The following VTI1A variants were observed in gnomAD, a reference collection of about 807,000 sequenced individuals.
The protein encoded by VTI1A is vesicle transport through interaction with t-SNAREs homolog 1A.
VTI1A carries 22 observed loss-of-function variants against 34.9 expected under a neutral mutation model. That is an observed-to-expected ratio of 0.63 (90% CI 0.45 to 0.90). VTI1A has a LOEUF of 0.90. Among genes scored for constraint, VTI1A ranks in the 40% least tolerant of loss-of-function variants. The probability of loss-of-function intolerance (pLI) is 0.00; values close to 1 mark genes in which losing one functional copy is unlikely to be tolerated. For missense variants in VTI1A, 268 were observed against 275.6 expected (o/e 0.97, Z 0.20); for synonymous variants, 87 against 97.3 (o/e 0.89, Z 0.62).
intron 5 of VTI1A, among the ~76,000 whole-genome samples, chr10:112,606,505 G>A (rs1845091011): frequency 6.6e-6 from 1 of 152,178 alleles, no homozygotes; most frequent in Non-Finnish European, 1.5e-5. Context: ...CCATAAGACA[G>A]TTATGAGCTG....
At chr10:112,723,600 C>T (rs1849894586) in intron 7 of VTI1A, among the ~76,000 whole-genome samples, 1 of 152,148 alleles carries the variant, frequency 6.6e-6, no homozygotes, top group Non-Finnish European at 1.5e-5. Context: ...TTTCAGATGG[C>T]CCACCCTGCT....
At chr10:112,472,044 G>A (rs1054415679) in intron 3 of VTI1A, among the ~76,000 whole-genome samples, 32 of 152,168 alleles carry the variant, frequency 2.1e-4, no homozygotes, top group African/African-American at 6.8e-4. Context: ...CTCTGATATT[G>A]TGCTATGATG....
chr10:112,626,956 G>GC (rs1845944477), intron 5 of VTI1A, among the ~76,000 whole-genome samples: 1 of 152,144 alleles, frequency 6.6e-6, no homozygotes, highest in Non-Finnish European at 1.5e-5. Flanking sequence ...AAAATTAATT[G>GC]CAAACACAGC....
chr10:112,468,810 T>G (rs1847987185), intron 3 of VTI1A, among the ~76,000 whole-genome samples: 1 of 152,202 alleles, frequency 6.6e-6, no homozygotes, highest in African/African-American at 2.4e-5. Flanking sequence ...TCCCAGAGTC[T>G]TTTAAACACA....
intron 1 of VTI1A, among the ~76,000 whole-genome samples, chr10:112,458,577 G>A (rs903114422): frequency 5.4e-4 from 82 of 151,976 alleles, no homozygotes; most frequent in African/African-American, 1.9e-3. Flanking sequence ...GATAACAAAG[G>A]GAAAGGGTTA....
chr10:112,807,800 C>T (rs1191412804), intron 7 of VTI1A, among the ~76,000 whole-genome samples: 2 of 151,978 alleles, frequency 1.3e-5, no homozygotes, highest in African/African-American at 4.8e-5. Flanking sequence ...TTGCAGTGAG[C>T]CAAGATTGCA....
intron 5 of VTI1A, among the ~76,000 whole-genome samples, chr10:112,553,081 T>A (rs1851421692): frequency 6.6e-6 from 1 of 152,248 alleles, no homozygotes; most frequent in Non-Finnish European, 1.5e-5. Flanking sequence ...CTTTGTGTCT[T>A]CTACATAAAA....
chr10:112,529,389 A>T (rs1418237378), intron 4 of VTI1A, among the ~76,000 whole-genome samples: 2 of 152,150 alleles, frequency 1.3e-5, no homozygotes, highest in Non-Finnish European at 2.9e-5. Context: ...TTAACTAGGT[A>T]TGGTCACTTG....
At chr10:112,558,244 A>G (rs1180958201) in intron 5 of VTI1A, among the ~76,000 whole-genome samples, 1 of 152,198 alleles carries the variant, frequency 6.6e-6, no homozygotes, top group Non-Finnish European at 1.5e-5. Context: ...GTGAAAATCC[A>G]GTAGTATTTA....
intron 5 of VTI1A, among the ~76,000 whole-genome samples, chr10:112,656,521 A>ATTTTTT (rs768159688): frequency 0.14 from 14,503 of 102,410 alleles, 1,441 homozygotes; most frequent in East Asian, 0.42. Context: ...CACCCAGATA[A>ATTTTTT]TTTTTTTTTT....
intron 5 of VTI1A, among the ~76,000 whole-genome samples, chr10:112,647,056 C>T (rs540230311): frequency 6.6e-6 from 1 of 152,132 alleles, no homozygotes; most frequent in Non-Finnish European, 1.5e-5. Context: ...AATTTGCCCC[C>T]ACAGGCAAGT....
chr10:112,762,157 C>T (rs377691084), intron 7 of VTI1A, among the ~76,000 whole-genome samples: 1 of 152,164 alleles, frequency 6.6e-6, no homozygotes. Context: ...ACACTGGCAT[C>T]GCGGTTACTT....
Position 112,447,268 on chromosome 10 carries a change from C to G in VTI1A, c.-106C>G, listed in dbSNP as rs1438022163. ...GCTGTCCCCGGTTCTCCGTTCTGCTCTCGGGGGCACCTTCCGGGGTTCCTA... is the reference window on the plus strand; with the variant it reads ...GCTGTCCCCGGTTCTCCGTTCTGCTGTCGGGGGCACCTTCCGGGGTTCCTA... On this transcript the variant is annotated 5_prime_UTR_variant, in exon 1 of 8. Transcript: ENST00000393077. 1.2e-5 allele frequency: 15 copies of G among 1,260,736 alleles called. No homozygotes were observed. Among genetic ancestry groups the G allele is most frequent in the South Asian group, 5.2e-5 (4 of 76,328 alleles). The allele number at this position is 1,260,736 out of a possible 1,614,324, so 78.1% of individuals were successfully genotyped here. A position where few individuals can be genotyped will look rare whatever the true frequency, so the allele number is the denominator to read the frequency against.
intron 3 of VTI1A, among the ~76,000 whole-genome samples, chr10:112,479,121 T>C (rs1180085817): frequency 1.3e-5 from 2 of 152,068 alleles, no homozygotes; most frequent in Non-Finnish European, 2.9e-5. Context: ...GAGCCAAGAT[T>C]GCGCCACTGC....
At chr10:112,715,860 C>T (rs953287219) in intron 7 of VTI1A, among the ~76,000 whole-genome samples, 11 of 152,322 alleles carry the variant, frequency 7.2e-5, no homozygotes, top group Admixed American at 3.3e-4. Flanking sequence ...CTGGTGTATT[C>T]GCAGACTTGT....
At chr10:112,561,419 G>A (rs1004270838) in intron 5 of VTI1A, among the ~76,000 whole-genome samples, 6 of 152,110 alleles carry the variant, frequency 3.9e-5, no homozygotes, top group African/African-American at 1.2e-4. Flanking sequence ...CTGAAATTTT[G>A]TAACAAGAAG....
chr10:112,456,727 C>A (rs1450723964), intron 1 of VTI1A, among the ~76,000 whole-genome samples: 2 of 152,136 alleles, frequency 1.3e-5, no homozygotes, highest in African/African-American at 2.4e-5. Flanking sequence ...GACAGGCTGC[C>A]CTGCCCTCTG....
chr10:112,479,519 T>C (rs1235493564), intron 3 of VTI1A, among the ~76,000 whole-genome samples: 1 of 152,068 alleles, frequency 6.6e-6, no homozygotes, highest in Non-Finnish European at 1.5e-5. Context: ...CCAGGAAAAA[T>C]CAACCACTTG....
chr10:112,650,211 A>G (rs1364879683), intron 5 of VTI1A, among the ~76,000 whole-genome samples: 1 of 152,136 alleles, frequency 6.6e-6, no homozygotes, highest in East Asian at 1.9e-4. Flanking sequence ...ATGAACTTCT[A>G]TTTTTAATTT....
Sources: gnomAD v4.1 joint callset for allele counts (sites outside exome capture counted in the v4.1 genomes callset) on GRCh38, gnomAD v4.1.1 for gene constraint, MANE v1.5 for transcripts, NCBI Gene and HGNC (gene_info 2026-07-23, HGNC 2026-07-21) for gene names.